The following MEIS1 variants were observed in gnomAD, a reference collection of about 807,000 sequenced individuals.
MEIS1 encodes the protein Meis homeobox 1.
A neutral mutation model predicts 50.8 loss-of-function variants in MEIS1; 5 were observed. The ratio of observed to expected loss-of-function variants is 0.10; its 90% CI spans 0.05 to 0.21. MEIS1 has a LOEUF of 0.21. Among genes scored for constraint, MEIS1 ranks in the 10% least tolerant of loss-of-function variants. MEIS1 has a pLI of 1.00. For synonymous variants in MEIS1, 176 were observed against 179.3 expected, an observed-to-expected ratio of 0.98 and a Z score of 0.15; for missense variants, 318 against 517.3, an observed-to-expected ratio of 0.61 and a Z score of 3.74.
Position 66,466,669 on chromosome 2 carries a change from C to T in MEIS1, c.742+2449C>T, listed in dbSNP as rs73937921. ...CCAGCATTTGGCCTGTAGTACATGTCCTAAATAGTTATTTACACAGTTTGA... is the reference window on the plus strand; with the variant it reads ...CCAGCATTTGGCCTGTAGTACATGTTCTAAATAGTTATTTACACAGTTTGA... On this transcript the variant is annotated intron_variant, in intron 7 of 12. Transcript: ENST00000272369. Among the ~76,000 whole-genome samples the T allele has an allele frequency of 7.0e-3, 1,071 of 152,210 alleles. 14 individuals carry two copies. The highest frequency in any genetic ancestry group is 0.025 in the African/African-American group (1,033 of 41,530).
intron 9 of MEIS1, among the ~76,000 whole-genome samples, chr2:66,565,071 T>C (rs149992712): frequency 4.6e-5 from 7 of 152,236 alleles, no homozygotes; most frequent in African/African-American, 1.7e-4. Flanking sequence ...GGGACAGATA[T>C]CATATAGGGG....
At position 66,566,822 on chromosome 2, in the gene MEIS1, AAACAAC is replaced by A. The variant is rs1240829022; in HGVS notation, c.966-622_966-617del. ...TTTACATAAAGAGCAAAAAAAAAAA[AAACAAC>A]AACAACAAAAAAAGCCACCCCAAGA... On this transcript the variant is annotated intron_variant, in intron 9 of 12. Coordinates refer to ENST00000272369, the MANE Select transcript of MEIS1 (RefSeq NM_002398.3). Among the ~76,000 whole-genome samples the A allele has an allele frequency of 2.0e-5, 3 of 150,594 alleles. 1 individual carries two copies. Among genetic ancestry groups the A allele is most frequent in the African/African-American group, 7.3e-5 (3 of 41,196 alleles).
At chr2:66,503,571 T>C (rs1673609326) in intron 7 of MEIS1, among the ~76,000 whole-genome samples, 1 of 152,198 alleles carries the variant, frequency 6.6e-6, no homozygotes, top group Admixed American at 6.5e-5. Context: ...TGTTTAACTT[T>C]AGTGCCTTCT....
rs184862964 is a variant in MEIS1, at chr2:66,505,720, A to C, written c.743-6429A>C. Among the ~76,000 whole-genome samples, 12 of 152,330 alleles carry C rather than the reference A, an allele frequency of 7.9e-5. No individual in the cohort carries two copies. The East Asian group carries it at 2.1e-3, about 27-fold the overall frequency. ...CAGAAAAGATGCACAAACAGCAAGA[A>C]ATTTTAGTTAAGTAAATGATTTTAA... On this transcript the variant is annotated intron_variant, in intron 7 of 12. Transcript: ENST00000272369.
At chr2:66,488,322 G>A (rs1446026570) in intron 7 of MEIS1, among the ~76,000 whole-genome samples, 2 of 152,120 alleles carry the variant, frequency 1.3e-5, no homozygotes, top group African/African-American at 2.4e-5. Flanking sequence ...TTTGTGAAGG[G>A]TTTTCATGTT....
At chr2:66,452,364 ATAACTC>A (rs1354902900) in intron 6 of MEIS1, among the ~76,000 whole-genome samples, 1 of 151,926 alleles carries the variant, frequency 6.6e-6, no homozygotes, top group African/African-American at 2.4e-5. Context: ...GAATTATACT[ATAACTC>A]TACAGAGCAT....
intron 7 of MEIS1, among the ~76,000 whole-genome samples, chr2:66,498,663 C>T (rs1673470447): frequency 6.6e-6 from 1 of 152,176 alleles, no homozygotes; most frequent in African/African-American, 2.4e-5. Flanking sequence ...GGCGCAGCTA[C>T]AGTCTTCCTG....
chr2:66,478,596 A>G (rs1672946910), intron 7 of MEIS1, among the ~76,000 whole-genome samples: 1 of 152,226 alleles, frequency 6.6e-6, no homozygotes, highest in Admixed American at 6.5e-5. Flanking sequence ...TGTTCCAAAC[A>G]TCTATCTGAC....
At chr2:66,497,638 T>G (rs1295598581) in intron 7 of MEIS1, among the ~76,000 whole-genome samples, 1 of 152,230 alleles carries the variant, frequency 6.6e-6, no homozygotes, top group African/African-American at 2.4e-5. Flanking sequence ...CTCATGCCTG[T>G]AATTCCAGCA....
In MEIS1 at chr2:66,435,542, T is replaced by TTTTC. The variant is rs540323756; in HGVS notation, c.-299_-296dup. 13 of 378,554 alleles carry TTTTC rather than the reference T, an allele frequency of 3.4e-5. No homozygotes were observed. Among genetic ancestry groups the TTTTC allele is most frequent in the South Asian group, 1.1e-4 (1 of 8,696 alleles). 23.4% of individuals were successfully genotyped at this position (378,554 alleles called of 1,614,324 possible). On this transcript the variant is annotated 5_prime_UTR_variant, in exon 1 of 13. Transcript: ENST00000272369. ...GTCTGAGGGGCGCTCTTTTTTTTCC[T>TTTTC]TTTCTTTCTTTCTTTCTTTTTTTTT... is the stretch of plus-strand genomic sequence containing the variant.
chr2:66,504,521 C>T (rs1398178112), intron 7 of MEIS1, among the ~76,000 whole-genome samples: 1 of 152,110 alleles, frequency 6.6e-6, no homozygotes, highest in Non-Finnish European at 1.5e-5. Flanking sequence ...TAGTTAATAG[C>T]CACTGTGCCC....
intron 9 of MEIS1, among the ~76,000 whole-genome samples, chr2:66,566,777 ACCTTG>A (rs941681611): frequency 3.4e-5 from 5 of 148,206 alleles, no homozygotes; most frequent in African/African-American, 1.2e-4. Flanking sequence ...TATATCTGTG[ACCTTG>A]CCTTGACCTC....
chr2:66,571,441 G>A lies in MEIS1; in HGVS notation c.*233G>A, dbSNP rs1303475856. 8.1e-6 allele frequency: 13 copies of A among 1,604,730 alleles called. No individual in the cohort carries two copies. The highest frequency in any genetic ancestry group is 1.1e-5 in the Non-Finnish European group (13 of 1,175,770). On this transcript the variant is annotated 3_prime_UTR_variant, in exon 13 of 13. Coordinates refer to ENST00000272369, the MANE Select transcript of MEIS1 (RefSeq NM_002398.3). ...ATGCATGGAGGACCGCCCCACCCTG[G>A]AATGCCAATGTCAGCATCAAGCCCC...
intron 7 of MEIS1, among the ~76,000 whole-genome samples, chr2:66,503,688 C>T (rs575833489): frequency 7.5e-5 from 11 of 147,354 alleles, no homozygotes; most frequent in African/African-American, 2.0e-4. Context: ...AATGAATGAA[C>T]GAATAACAAG....
intron 7 of MEIS1, among the ~76,000 whole-genome samples, chr2:66,474,131 T>A (rs1464157873): frequency 6.6e-6 from 1 of 152,140 alleles, no homozygotes; most frequent in African/African-American, 2.4e-5. Flanking sequence ...GTTGGTTGAA[T>A]ACGTGGATGT....
intron 9 of MEIS1, among the ~76,000 whole-genome samples, chr2:66,565,335 G>T (rs1358338841): frequency 6.6e-6 from 1 of 152,068 alleles, no homozygotes; most frequent in Non-Finnish European, 1.5e-5. Flanking sequence ...CACAAACAGT[G>T]CAGCCATCAA....
At chr2:66,480,359 G>C (rs143962547) in intron 7 of MEIS1, among the ~76,000 whole-genome samples, 91 of 152,234 alleles carry the variant, frequency 6.0e-4, no homozygotes, top group African/African-American at 2.1e-3. Context: ...AAACCTCTGG[G>C]ATACTAGTGA....
intron 8 of MEIS1, among the ~76,000 whole-genome samples, chr2:66,522,930 C>T (rs1309597210): frequency 6.6e-6 from 1 of 152,136 alleles, no homozygotes; most frequent in Admixed American, 6.6e-5. Flanking sequence ...AGCTGGGAGG[C>T]AGAATCCCTG....
chr2:66,530,169 T>C lies in MEIS1; in HGVS notation c.889-17774T>C, dbSNP rs1572881700. Among the ~76,000 whole-genome samples the C allele has an allele frequency of 3.4e-5, 5 of 149,126 alleles. No individual in the cohort carries two copies. The South Asian group carries it at 6.4e-4, about 19-fold the overall frequency. On this transcript the variant is annotated intron_variant, in intron 8 of 12. Transcript: ENST00000272369. ...GGAGAATGGAAGTCATTTGGAAAAA[T>C]TGCTGTTGGGAACACAGTAGGCAAA...
Sources: gnomAD v4.1 joint callset for allele counts (sites outside exome capture counted in the v4.1 genomes callset) on GRCh38, gnomAD v4.1.1 for gene constraint, MANE v1.5 for transcripts, NCBI Gene and HGNC (gene_info 2026-07-23, HGNC 2026-07-21) for gene names.